The following ZNF773 variants were observed in gnomAD, a reference collection of about 807,000 sequenced individuals.
ZNF773 encodes the protein zinc finger protein 419B.
A neutral mutation model predicts 12.8 loss-of-function variants in ZNF773; 11 were observed. The ratio of observed to expected loss-of-function variants is 0.86; its 90% confidence interval spans 0.54 to 1.42. ZNF773 has a LOEUF of 1.42. Among genes scored for constraint, ZNF773 ranks in the 40% most tolerant of loss-of-function variants. ZNF773 has a pLI of 0.00. For synonymous variants in ZNF773, 175 were observed against 178.4 expected (o/e 0.98, Z 0.15); for missense variants, 518 against 527.2 (o/e 0.98, Z 0.17).
At chr19:57,502,203 A>T (rs1457380294) in intron 1 of ZNF773, among the ~76,000 whole-genome samples, 1 of 152,156 alleles carries the variant, frequency 6.6e-6, no homozygotes, top group Non-Finnish European at 1.5e-5. Flanking sequence ...CTGCCTCCCA[A>T]AGTGCTGGGA....
downstream of ZNF773, among the ~76,000 whole-genome samples, chr19:57,511,728 CACACACACATACACACAT>C (rs1038963739): frequency 2.1e-5 from 3 of 144,412 alleles, no homozygotes; most frequent in African/African-American, 2.6e-5. Context: ...TTCACACACA[CACACACACATACACACAT>C]ACACACACTC....
rs2089748130 is a variant in ZNF773 at position 57,507,141 on chromosome 19, A to G, written c.1046A>G (p.His349Arg). 6.2e-7 allele frequency: 1 copy of G among 1,614,214 alleles called. No individual in the cohort carries two copies. The highest frequency in any genetic ancestry group is 8.5e-7 in the Non-Finnish European group (1 of 1,180,030). Residue 349 changes from histidine (H) to arginine (R), a missense_variant, in exon 4 of 4, where the codon CAT becomes CGT. His to Arg is a conservative substitution (Grantham distance 29, BLOSUM62 0). Coordinates refer to ENST00000282292, the MANE Select transcript of ZNF773 (RefSeq NM_198542.3). ...FYSHKSSLIN[H>R]WRVHTGERPY... ...AGCCACAAGTCCAGCCTTATCAATC[A>G]TTGGCGTGTTCACACTGGAGAAAGG...
chr19:57,500,750 G>T (rs2089660228), intron 1 of ZNF773, among the ~76,000 whole-genome samples: 1 of 152,192 alleles, frequency 6.6e-6, no homozygotes, highest in African/African-American at 2.4e-5. Flanking sequence ...GTAAGGCTGT[G>T]CAGGGAATAG....
chr19:57,511,217 C>G (rs1368209142), downstream of ZNF773, among the ~76,000 whole-genome samples: 2 of 151,662 alleles, frequency 1.3e-5, no homozygotes, highest in African/African-American at 4.8e-5. Flanking sequence ...CTCCCGGATA[C>G]TTTTTTGTAT....
At chr19:57,509,481 A>G (rs1055208422), downstream of ZNF773, among the ~76,000 whole-genome samples, 2 of 152,234 alleles carry the variant, frequency 1.3e-5, no homozygotes, top group African/African-American at 4.8e-5. Flanking sequence ...TCCTTAGAGA[A>G]GAGGCTGTTT....
rs987656610 is a variant in ZNF773 at position 57,508,106 on chromosome 19, A to G, written c.*682A>G. The G allele has an allele frequency of 8.6e-5, 77 of 896,118 alleles. No homozygotes were observed. Among genetic ancestry groups the G allele is most frequent in the Middle Eastern group, 5.7e-4 (1 of 1,742 alleles). 55.5% of individuals were successfully genotyped at this position (896,118 alleles called of 1,614,324 possible). The stretch of plus-strand genomic sequence containing the variant: ...CATTGAGCCGAGATCACGCCACTGC[A>G]CTCCAGCTTGGGTGACAGAGTGAGA... On this transcript the variant is annotated 3_prime_UTR_variant, in exon 4 of 4. Coordinates refer to ENST00000282292, the MANE Select transcript of ZNF773 (RefSeq NM_198542.3).
At chr19:57,501,817 C>G (rs1302951726) in intron 1 of ZNF773, among the ~76,000 whole-genome samples, 1 of 152,128 alleles carries the variant, frequency 6.6e-6, no homozygotes, top group Non-Finnish European at 1.5e-5. Flanking sequence ...TCAACTCCTA[C>G]CTACATGGTC....
intron 1 of ZNF773, among the ~76,000 whole-genome samples, chr19:57,503,266 C>G (rs189798980): frequency 2.6e-5 from 4 of 152,212 alleles, no homozygotes; most frequent in Admixed American, 2.6e-4. Flanking sequence ...GAGGGAGCAT[C>G]TTGAGGTCCT....
At chr19:57,501,672 G>A (rs1368858318) in intron 1 of ZNF773, among the ~76,000 whole-genome samples, 1 of 152,214 alleles carries the variant, frequency 6.6e-6, no homozygotes, top group East Asian at 1.9e-4. Flanking sequence ...GGCTAGACGA[G>A]GGGGCTTGGA....
At chr19:57,513,141 G>A, downstream of ZNF773, 6 of 1,401,642 alleles carry the variant, frequency 4.3e-6, no homozygotes, top group Non-Finnish European at 5.6e-6. Context: ...TCTGCTGGCA[G>A]TGGATATAAG....
intron 1 of ZNF773, among the ~76,000 whole-genome samples, chr19:57,503,444 T>C (rs2089691559): frequency 6.6e-6 from 1 of 152,032 alleles, no homozygotes; most frequent in Non-Finnish European, 1.5e-5. Context: ...TGGCCAAAGT[T>C]CCTGTGGGGA....
downstream of ZNF773, chr19:57,513,317 G>A: frequency 3.0e-6 from 1 of 330,150 alleles, no homozygotes; most frequent in Non-Finnish European, 5.4e-6. Flanking sequence ...TGCTGCAGGA[G>A]GTTATCACGC....
downstream of ZNF773, chr19:57,508,364 T>G: frequency 2.4e-6 from 1 of 422,388 alleles, no homozygotes; most frequent in Non-Finnish European, 3.2e-6. Flanking sequence ...TCTCACTGAG[T>G]TTGGAGTTGG....
chr19:57,504,829 G>C, intron 2 of ZNF773, 43 bp downstream of exon 2: 2 of 1,585,412 alleles, frequency 1.3e-6, no homozygotes, highest in Non-Finnish European at 1.7e-6. Context: ...AGCTGGACTT[G>C]GCTTTTCCTC....
At chr19:57,518,139 C>T (rs1395250851), downstream of ZNF773, 5 of 153,046 alleles carry the variant, frequency 3.3e-5, no homozygotes, top group Admixed American at 6.5e-5. Flanking sequence ...TATGAGCAAA[C>T]AGCAAACTGT....
chr19:57,516,136 T>G (rs1487910131), downstream of ZNF773: 2 of 155,052 alleles, frequency 1.3e-5, no homozygotes, highest in Non-Finnish European at 2.9e-5. Flanking sequence ...ATCTCAACTG[T>G]GGGCCCAGCT....
chr19:57,504,990 G>A, intron 2 of ZNF773: 1 of 943,450 alleles, frequency 1.1e-6, no homozygotes, highest in Non-Finnish European at 1.7e-6. Context: ...GCAGGAAAGG[G>A]TTTGGGGGTC....
chr19:57,517,309 T>C (rs7257014), downstream of ZNF773: 31,464 of 152,156 alleles, frequency 0.21, 3,377 homozygotes, highest in African/African-American at 0.25. Context: ...GTCACATTCC[T>C]GGATTATAGA....
At chr19:57,516,218 G>T, downstream of ZNF773, 1 of 155,966 alleles carries the variant, frequency 6.4e-6, no homozygotes, top group South Asian at 1.8e-4. Flanking sequence ...GAGTCACACT[G>T]ACATCAACCC....
Sources: allele counts gnomAD v4.1 joint callset (sites outside exome capture counted in the v4.1 genomes callset), GRCh38; gene constraint gnomAD v4.1.1; transcripts MANE v1.5; gene names NCBI Gene and HGNC (gene_info 2026-07-23, HGNC 2026-07-21).